The following PCSK2 variants were observed in gnomAD, a reference collection of about 807,000 sequenced individuals.
The protein encoded by PCSK2 is neuroendocrine convertase 2.
Under a neutral mutation model 69.7 loss-of-function variants are expected in PCSK2, and 14 were observed. The observed-to-expected ratio is 0.20, with a 90% CI of 0.13 to 0.31. PCSK2 has a LOEUF of 0.31. Among genes scored for constraint, PCSK2 ranks in the 10% least tolerant of loss-of-function variants. The pLI, the probability that PCSK2 is intolerant of heterozygous loss-of-function variation, is 1.00. For missense variants in PCSK2, 544 were observed against 842.5 expected, an observed-to-expected ratio of 0.65 and a Z score of 4.39; for synonymous variants, 307 against 320.7, an observed-to-expected ratio of 0.96 and a Z score of 0.46.
At chr20:17,376,050 G>A (rs995822854) in intron 5 of PCSK2, among the ~76,000 whole-genome samples, 5 of 152,144 alleles carry the variant, frequency 3.3e-5, no homozygotes, top group Non-Finnish European at 7.3e-5. Flanking sequence ...GCCTACCCAC[G>A]CCTCTGCCAT....
At chr20:17,428,997 C>CAAAAAAAAAAAAAAAAAAAAAAAAAAAAA (rs60206058) in intron 6 of PCSK2, among the ~76,000 whole-genome samples, 10 of 36,954 alleles carry the variant, frequency 2.7e-4, no homozygotes, top group African/African-American at 3.7e-4. Flanking sequence ...GACTCTGTCT[C>CAAAAAAAAAAAAAAAAAAAAAAAAAAAAA]AAAAAAAAAA....
intron 1 of PCSK2, among the ~76,000 whole-genome samples, chr20:17,231,520 A>T (rs1986141963): frequency 6.6e-6 from 1 of 152,230 alleles, no homozygotes; most frequent in East Asian, 1.9e-4. Context: ...AAGTCTACGT[A>T]TTTTGGCAAA....
chr20:17,240,106 T>C (rs1986509954), intron 1 of PCSK2, among the ~76,000 whole-genome samples: 1 of 151,776 alleles, frequency 6.6e-6, no homozygotes, highest in African/African-American at 2.4e-5. Context: ...CCTGCCTTGG[T>C]CTCTCAAAGT....
chr20:17,347,885 A>G (rs1486144229), intron 2 of PCSK2, among the ~76,000 whole-genome samples: 2 of 13,822 alleles, frequency 1.4e-4, no homozygotes, highest in African/African-American at 2.6e-4. Context: ...AGAAAGAAAG[A>G]AAGAAAGAAA....
intron 2 of PCSK2, among the ~76,000 whole-genome samples, chr20:17,315,063 T>A (rs1989635880): frequency 6.6e-6 from 1 of 152,196 alleles, no homozygotes; most frequent in South Asian, 2.1e-4. Context: ...GCCCACTCTA[T>A]CGAAGTCTCC....
At chr20:17,325,765 G>A (rs1990028231) in intron 2 of PCSK2, among the ~76,000 whole-genome samples, 2 of 152,196 alleles carry the variant, frequency 1.3e-5, no homozygotes, top group South Asian at 4.1e-4. Flanking sequence ...TTCTTCTCAA[G>A]CCACCAGTGG....
chr20:17,470,916 A>G (rs1475525184), intron 11 of PCSK2, among the ~76,000 whole-genome samples: 2 of 152,246 alleles, frequency 1.3e-5, no homozygotes, highest in East Asian at 1.9e-4. Flanking sequence ...TTACTTGCAT[A>G]TAAGCAATAT....
chr20:17,241,208 A>G (rs1442694486), intron 1 of PCSK2, among the ~76,000 whole-genome samples: 1 of 152,198 alleles, frequency 6.6e-6, no homozygotes, highest in Non-Finnish European at 1.5e-5. Context: ...TTATAATTTC[A>G]AGAGGTTTAA....
chr20:17,336,539 C>G (rs1990356520), intron 2 of PCSK2, among the ~76,000 whole-genome samples: 1 of 152,168 alleles, frequency 6.6e-6, no homozygotes, highest in Admixed American at 6.5e-5. Context: ...AGGTGCTGAG[C>G]AAACATCAGG....
intron 6 of PCSK2, among the ~76,000 whole-genome samples, chr20:17,413,644 G>A (rs1219237865): frequency 1.3e-5 from 2 of 152,144 alleles, no homozygotes; most frequent in East Asian, 3.8e-4. Context: ...GGTTAACAAG[G>A]ATATCCAGGC....
chr20:17,240,496 G>A (rs1038199136), intron 1 of PCSK2, among the ~76,000 whole-genome samples: 1 of 152,142 alleles, frequency 6.6e-6, no homozygotes, highest in Admixed American at 6.5e-5. Context: ...AACACCCTCA[G>A]GAGAGCGGTG....
intron 2 of PCSK2, among the ~76,000 whole-genome samples, chr20:17,266,048 A>G (rs571162071): frequency 1.3e-5 from 2 of 152,320 alleles, no homozygotes; most frequent in South Asian, 4.1e-4. Context: ...TAGTCACTGA[A>G]TTTTCTCAAT....
At chr20:17,416,931 C>G (rs1246432276) in intron 6 of PCSK2, among the ~76,000 whole-genome samples, 3 of 152,096 alleles carry the variant, frequency 2.0e-5, no homozygotes, top group African/African-American at 7.2e-5. Context: ...GACAGAAAAC[C>G]AAACACTGCA....
chr20:17,301,931 AAT>A (rs917414391), intron 2 of PCSK2, among the ~76,000 whole-genome samples: 4 of 151,024 alleles, frequency 2.6e-5, no homozygotes, highest in African/African-American at 4.9e-5. Context: ...CTCCATCTCA[AAT>A]ATATATATAT....
intron 6 of PCSK2, among the ~76,000 whole-genome samples, chr20:17,412,325 G>C (rs574427074): frequency 3.7e-4 from 57 of 152,242 alleles, no homozygotes; most frequent in African/African-American, 1.3e-3. Context: ...ACAGTGTAGA[G>C]AAGACTTTAA....
intron 3 of PCSK2, among the ~76,000 whole-genome samples, chr20:17,358,837 AG>A (rs2030296230): frequency 6.6e-6 from 1 of 152,250 alleles, no homozygotes; most frequent in South Asian, 2.1e-4. Flanking sequence ...CCTAAAAGAA[AG>A]GATCCAATGA....
intron 5 of PCSK2, among the ~76,000 whole-genome samples, chr20:17,393,800 C>T (rs960428008): frequency 6.6e-6 from 1 of 152,124 alleles, no homozygotes; most frequent in Non-Finnish European, 1.5e-5. Flanking sequence ...AATAATGCTG[C>T]TTACAACACC....
At chr20:17,406,115 C>T (rs1245456048) in intron 5 of PCSK2, among the ~76,000 whole-genome samples, 1 of 152,152 alleles carries the variant, frequency 6.6e-6, no homozygotes, top group Non-Finnish European at 1.5e-5. Flanking sequence ...CACCAAACAC[C>T]ACCTGCTCCA....
intron 2 of PCSK2, among the ~76,000 whole-genome samples, chr20:17,266,547 G>A (rs1162346757): frequency 6.6e-6 from 1 of 152,150 alleles, no homozygotes; most frequent in Admixed American, 6.5e-5. Flanking sequence ...TCCCTAAGGC[G>A]TGATTCTTCT....
Sources: allele counts gnomAD v4.1 joint callset (sites outside exome capture counted in the v4.1 genomes callset), GRCh38; gene constraint gnomAD v4.1.1; transcripts MANE v1.5; gene names NCBI Gene and HGNC (gene_info 2026-07-23, HGNC 2026-07-21).